Variants in TNFRSF9 observed in about 807,000 individuals in gnomAD.
The protein encoded by TNFRSF9 is TNF receptor superfamily member 9, also known as tumor necrosis factor receptor superfamily member 9.
A neutral mutation model predicts 28.8 loss-of-function variants in TNFRSF9; 16 were observed. The observed-to-expected ratio is 0.55, with a 90% CI of 0.38 to 0.84. The LOEUF (loss-of-function observed/expected upper bound fraction) is 0.84. TNFRSF9 is among the 40% of genes least tolerant of loss of function. The pLI is 0.00. For synonymous variants in TNFRSF9, 131 were observed against 117.0 expected, an observed-to-expected ratio of 1.12 and a Z score of -0.77; for missense variants, 303 against 315.0, an observed-to-expected ratio of 0.96 and a Z score of 0.29.
chr1:7,930,295 C>T (rs941811074), intron 7 of TNFRSF9, among the ~76,000 whole-genome samples: 1 of 152,106 alleles, frequency 6.6e-6, no homozygotes, highest in African/African-American at 2.4e-5. Flanking sequence ...GACCAGGAAT[C>T]GAACCCGGGT....
chr1:7,937,256 C>A (rs1281191380), intron 5 of TNFRSF9, among the ~76,000 whole-genome samples: 1 of 152,190 alleles, frequency 6.6e-6, no homozygotes, highest in East Asian at 1.9e-4. Flanking sequence ...CTCAACCTCC[C>A]AGACTCAGGT....
At position 7,935,049 on chromosome 1, in the gene TNFRSF9, A is replaced by T. The variant is rs759376638; in HGVS notation, c.508T>A (p.Ser170Thr). ...PSPADLSPGASSVTPPAPARE... is the reference protein window; with the variant it reads ...PSPADLSPGATSVTPPAPARE... Reference sequence around the variant, plus strand: ...GCAGGGGCAGGCGGGGTCACAGAGGATGCTCCCGGAGAGAGGTCGGCTGGA... The same window carrying T: ...GCAGGGGCAGGCGGGGTCACAGAGGTTGCTCCCGGAGAGAGGTCGGCTGGA... The change falls in exon 6 of 8, where the codon TCC (serine) becomes ACC (threonine). Residue 170 changes from serine (S) to threonine (T), a missense_variant. By Grantham distance (58) the Ser-to-Thr change is moderately conservative (BLOSUM62 1). Coordinates refer to ENST00000377507, the MANE Select transcript of TNFRSF9 (RefSeq NM_001561.6). 6.2e-7 allele frequency: 1 copy of T among 1,614,246 alleles called. No homozygotes were observed. The highest frequency in any genetic ancestry group is 8.5e-7 in the Non-Finnish European group (1 of 1,180,050).
At chr1:7,927,910 C>T (rs1242690700) in intron 7 of TNFRSF9, among the ~76,000 whole-genome samples, 2 of 151,964 alleles carry the variant, frequency 1.3e-5, no homozygotes, top group Non-Finnish European at 2.9e-5. Context: ...TATTTATAAA[C>T]CATATATATG....
intron 7 of TNFRSF9, among the ~76,000 whole-genome samples, chr1:7,925,066 C>G (rs1023236542): frequency 7.2e-5 from 11 of 152,024 alleles, no homozygotes; most frequent in Non-Finnish European, 1.3e-4. Flanking sequence ...GTAATCCCAG[C>G]ACTTTGGGAG....
At position 7,917,412 on chromosome 1, in the gene TNFRSF9, A is replaced by T. The variant is rs991187187; in HGVS notation, c.*3423T>A. On this transcript the variant is annotated 3_prime_UTR_variant, in exon 8 of 8. Transcript: ENST00000377507. ...CCATGGCCCTATGGAAACTTGATGGATGGTAGGTGAGATTGCAGACCCGCA... is the reference window on the plus strand; with the variant it reads ...CCATGGCCCTATGGAAACTTGATGGTTGGTAGGTGAGATTGCAGACCCGCA... 1 of 152,344 alleles carries T rather than the reference A, an allele frequency of 6.6e-6. No individual in the cohort carries two copies. Among genetic ancestry groups the T allele is most frequent in the African/African-American group, 2.4e-5 (1 of 41,446 alleles). The allele number at this position is 152,344 out of a possible 1,614,324, so 9.4% of individuals were successfully genotyped here.
chr1:7,932,515 T>C (rs2151417311), intron 7 of TNFRSF9, among the ~76,000 whole-genome samples: 1 of 152,328 alleles, frequency 6.6e-6, no homozygotes, highest in East Asian at 1.9e-4. Context: ...AATAATTCAT[T>C]TGTTAAACCC....
intron 7 of TNFRSF9, among the ~76,000 whole-genome samples, chr1:7,930,857 G>A (rs1368416824): frequency 6.6e-6 from 1 of 151,800 alleles, no homozygotes; most frequent in South Asian, 2.1e-4. Context: ...AAGAATGAAA[G>A]AGCAAACCAC....
rs990004304 is a variant in TNFRSF9, at chr1:7,938,758, A to C, written c.171T>G (p.Gly57=). The C allele has an allele frequency of 6.2e-7, 1 of 1,613,702 alleles. No individual in the cohort carries two copies. The highest frequency in any genetic ancestry group is 1.1e-5 in the South Asian group (1 of 90,978). ...PCPPNSFSSA[G]GQRTCDICRQ... ...TGCATATGTCACAGGTCCTTTGTCC[A>C]CCTGCGCTGGAGAAACTATTTGGAG... Residue 57 remains glycine, a synonymous_variant, in exon 3 of 8, where the codon GGT becomes GGG. Coordinates refer to ENST00000377507, the MANE Select transcript of TNFRSF9 (RefSeq NM_001561.6).
chr1:7,924,777 T>A (rs1349955846), intron 7 of TNFRSF9, among the ~76,000 whole-genome samples: 3 of 152,120 alleles, frequency 2.0e-5, no homozygotes, highest in Non-Finnish European at 4.4e-5. Context: ...GATCTTCCAG[T>A]GGGACAAGAT....
At chr1:7,933,987 A>C (rs1406454164) in intron 6 of TNFRSF9, among the ~76,000 whole-genome samples, 3 of 152,144 alleles carry the variant, frequency 2.0e-5, no homozygotes, top group African/African-American at 4.8e-5. Flanking sequence ...ATTGCACTCC[A>C]GCCTGGGTGA....
Position 7,918,772 on chromosome 1 carries a change from A to G in TNFRSF9, c.*2063T>C, listed in dbSNP as rs1283262294. 1 of 152,202 alleles carries G rather than the reference A, an allele frequency of 6.6e-6. No individual in the cohort carries two copies. Among genetic ancestry groups the G allele is most frequent in the Non-Finnish European group, 1.5e-5 (1 of 68,038 alleles). The allele number at this position is 152,202 out of a possible 1,614,324, so 9.4% of individuals were successfully genotyped here. On this transcript the variant is annotated 3_prime_UTR_variant, in exon 8 of 8. Transcript: ENST00000377507. ...TTGACAAGGTGCTCATCAGTAACCA[A>G]GCAAATGCAAACTAAGACCACAGTG...
At chr1:7,939,039 G>T (rs906870825) in intron 2 of TNFRSF9, among the ~76,000 whole-genome samples, 25 of 152,240 alleles carry the variant, frequency 1.6e-4, no homozygotes, top group African/African-American at 5.1e-4. Context: ...CAAAATACAG[G>T]CCAGGTGCAG....
chr1:7,930,070 A>G (rs1444292969), intron 7 of TNFRSF9, among the ~76,000 whole-genome samples: 1 of 149,886 alleles, frequency 6.7e-6, no homozygotes, highest in Non-Finnish European at 1.5e-5. Flanking sequence ...CCCGGGTTCA[A>G]GCGATTCTCC....
chr1:7,933,247 C>T lies in TNFRSF9; in HGVS notation c.594G>A (p.Ala198=), dbSNP rs143532137. The part of the protein sequence containing the change: ...ISFFLALTST[A]LLFLLFFLTL... Reference sequence around the variant, plus strand: ...TGAGGAAGAACAGCAGGAAGAGCAACGCAGTCGACGTCAGCGCAAGAAAGA... The same window carrying T: ...TGAGGAAGAACAGCAGGAAGAGCAATGCAGTCGACGTCAGCGCAAGAAAGA... Residue 198 remains alanine, a synonymous_variant, in exon 7 of 8, where the codon GCG becomes GCA. Transcript: ENST00000377507. 1.4e-4 allele frequency: 232 copies of T among 1,613,774 alleles called. 1 individual carries two copies. Among genetic ancestry groups the T allele is most frequent in the South Asian group, 5.7e-4 (52 of 91,064 alleles).
chr1:7,928,737 G>A (rs1398856729), intron 7 of TNFRSF9, among the ~76,000 whole-genome samples: 3 of 151,988 alleles, frequency 2.0e-5, no homozygotes, highest in Admixed American at 1.3e-4. Flanking sequence ...ACTATAGCCG[G>A]GCATGGTGGC....
rs530549521 is a variant in TNFRSF9 at position 7,918,275 on chromosome 1, C to G, written c.*2560G>C. On this transcript the variant is annotated 3_prime_UTR_variant, in exon 8 of 8. Transcript: ENST00000377507. ...TGCTGGGATTACAGGTGTGAGCTAC[C>G]GTGCCTGGCCACAAAGAAGATATTT... 17 of 152,110 alleles carry G rather than the reference C, an allele frequency of 1.1e-4. No homozygotes were observed. Among genetic ancestry groups the G allele is most frequent in the African/African-American group, 4.1e-4 (17 of 41,430 alleles). 9.4% of individuals were successfully genotyped at this position (152,110 alleles called of 1,614,324 possible). A position where few individuals can be genotyped will look rare whatever the true frequency, so the allele number is the denominator to read the frequency against.
intron 4 of TNFRSF9, 48 bp downstream of exon 4, chr1:7,938,144 GT>G: frequency 3.4e-6 from 5 of 1,476,892 alleles, no homozygotes; most frequent in Non-Finnish European, 4.5e-6. Flanking sequence ...TCAAAGCTAA[GT>G]TTGTCTATGT....
rs1491203940 is a variant in TNFRSF9, at chr1:7,929,157, C to CTTTTTTTTTTTTTTTTTTT, written c.679+4004_679+4005insAAAAAAAAAAAAAAAAAAA. Among the ~76,000 whole-genome samples, 6 of 65,440 alleles carry CTTTTTTTTTTTTTTTTTTT rather than the reference C, an allele frequency of 9.2e-5. 2 individuals are homozygous for CTTTTTTTTTTTTTTTTTTT. Among genetic ancestry groups the CTTTTTTTTTTTTTTTTTTT allele is most frequent in the Non-Finnish European group, 1.6e-4 (4 of 25,484 alleles). 42.9% of individuals were successfully genotyped at this position (65,440 alleles called of 152,430 possible). A position where few individuals can be genotyped will look rare whatever the true frequency, so the allele number is the denominator to read the frequency against. On this transcript the variant is annotated intron_variant, in intron 7 of 7. Transcript: ENST00000377507. ...CTCAGTTTTTCTTTTTTTTCTTTTTCCTTTTTTTTTTTTTTTTTTTTTGAG... is the reference window on the plus strand; with the variant it reads ...CTCAGTTTTTCTTTTTTTTCTTTTTCTTTTTTTTTTTTTTTTTTTCTTTTTTTTTTTTTTTTTTTTTGAG...
At chr1:7,924,582 G>A (rs539919062) in intron 7 of TNFRSF9, among the ~76,000 whole-genome samples, 12 of 152,000 alleles carry the variant, frequency 7.9e-5, no homozygotes, top group East Asian at 3.9e-4. Context: ...AGCCGAGACC[G>A]CCCCATTGCA....
Sources: gnomAD v4.1 joint callset for allele counts (sites outside exome capture counted in the v4.1 genomes callset) on GRCh38, gnomAD v4.1.1 for gene constraint, MANE v1.5 for transcripts, NCBI Gene and HGNC (gene_info 2026-07-23, HGNC 2026-07-21) for gene names.